The following TCF25 variants were observed in gnomAD, a reference collection of about 807,000 sequenced individuals.
The protein encoded by TCF25 is TCF25 ribosome quality control complex subunit.
TCF25 carries 41 observed loss-of-function variants against 83.1 expected under a neutral mutation model. That is an observed-to-expected ratio of 0.49 (90% CI 0.38 to 0.64). TCF25 has a LOEUF of 0.64. TCF25 is among the 30% of genes least tolerant of loss of function. TCF25 has a pLI of 0.00. For missense variants in TCF25, 979 were observed against 914.5 expected, an observed-to-expected ratio of 1.07 and a Z score of -0.91; for synonymous variants, 458 against 365.0, an observed-to-expected ratio of 1.25 and a Z score of -2.90.
intron 12 of TCF25, among the ~76,000 whole-genome samples, chr16:89,901,636 T>A (rs2144219318): frequency 1.2e-5 from 1 of 86,736 alleles, no homozygotes; most frequent in South Asian, 4.3e-4. Context: ...TCCCAGCTAC[T>A]TGGGAGGCTG....
At chr16:89,895,785 C>A (rs1296694139) in intron 8 of TCF25, among the ~76,000 whole-genome samples, 2 of 152,228 alleles carry the variant, frequency 1.3e-5, no homozygotes, top group African/African-American at 4.8e-5. Flanking sequence ...GAAAGTGTTA[C>A]CATGTCAAGC....
At chr16:89,899,962 T>C (rs1250822581) in intron 11 of TCF25, among the ~76,000 whole-genome samples, 1 of 152,188 alleles carries the variant, frequency 6.6e-6, no homozygotes, top group East Asian at 1.9e-4. Flanking sequence ...GCATTTGGCA[T>C]AGTTGGCCAG....
chr16:89,888,243 C>G (rs8046062), intron 5 of TCF25, among the ~76,000 whole-genome samples: 25,889 of 150,508 alleles, frequency 0.17, 2,969 homozygotes, highest in African/African-American at 0.32. Context: ...TCCAGCCTGG[C>G]CGACAGAGCG....
At chr16:89,905,183 A>G in intron 14 of TCF25, 87 bp downstream of exon 14, 13 of 1,453,382 alleles carry the variant, frequency 8.9e-6, no homozygotes, top group Non-Finnish European at 1.2e-5. Context: ...TCGGGAGGCG[A>G]GAAGGGCTGT....
chr16:89,898,604 G>T lies in TCF25; in HGVS notation c.1070G>T (p.Arg357Leu). 1 of 1,613,146 alleles carries T rather than the reference G, an allele frequency of 6.2e-7. No homozygotes were observed. Among genetic ancestry groups the T allele is most frequent in the East Asian group, 2.2e-5 (1 of 44,880 alleles). ...AAGCAGATGAGCTTCCTGGAGAAGCGAGGCTGCCCGCGCACGGCGCTGGAG... is the reference window on the plus strand; with the variant it reads ...AAGCAGATGAGCTTCCTGGAGAAGCTAGGCTGCCCGCGCACGGCGCTGGAG... ...LYKQMSFLEK[R>L]GCPRTALEYC... The change falls in exon 10 of 18, where the codon CGA becomes CTA. Residue 357 changes from arginine (R) to leucine (L), a missense_variant. Physicochemically the swap from Arg to Leu is moderately radical, Grantham distance 102. Coordinates refer to ENST00000263346, the MANE Select transcript of TCF25 (RefSeq NM_014972.3).
chr16:89,899,741 A>G (rs1319550653), intron 11 of TCF25, among the ~76,000 whole-genome samples: 1 of 151,988 alleles, frequency 6.6e-6, no homozygotes, highest in African/African-American at 2.4e-5. Context: ...AAAAAAAAAA[A>G]GAAAATTTAA....
chr16:89,906,335 C>T (rs780608224), intron 15 of TCF25, 51 bp downstream of exon 15: 54 of 1,574,864 alleles, frequency 3.4e-5, no homozygotes, highest in Non-Finnish European at 4.4e-5. Flanking sequence ...GTCACATGCA[C>T]GTCCCTTCTG....
intron 1 of TCF25, among the ~76,000 whole-genome samples, chr16:89,874,094 T>G (rs1436215659): frequency 1.2e-4 from 4 of 32,862 alleles, no homozygotes; most frequent in East Asian, 5.5e-4. Context: ...CTAACCCCGG[T>G]GAGGTGGGCG....
At chr16:89,899,432 C>T (rs1244691612) in intron 11 of TCF25, among the ~76,000 whole-genome samples, 1 of 152,130 alleles carries the variant, frequency 6.6e-6, no homozygotes, top group African/African-American at 2.4e-5. Context: ...TAATGCAGCT[C>T]CCAGAAAATT....
rs537094207 is a variant in TCF25, at chr16:89,899,498, G to T, written c.1221+626G>T. Among the ~76,000 whole-genome samples the T allele has an allele frequency of 2.0e-4, 30 of 152,198 alleles. 1 individual carries two copies. Among genetic ancestry groups the T allele is most frequent in the Non-Finnish European group, 1.5e-5 (1 of 68,028 alleles). ...TGTAATCCCAGCACTTTGGGAGGCCGAGGCGGGCGGATCACCTGAGGTCAG... is the reference window on the plus strand; with the variant it reads ...TGTAATCCCAGCACTTTGGGAGGCCTAGGCGGGCGGATCACCTGAGGTCAG... On this transcript the variant is annotated intron_variant, in intron 11 of 17. Transcript: ENST00000263346.
chr16:89,910,652 T>G lies in TCF25; in HGVS notation c.1861T>G (p.Tyr621Asp). 1 of 1,613,542 alleles carries G rather than the reference T, an allele frequency of 6.2e-7. No homozygotes were observed. The highest frequency in any genetic ancestry group is 8.5e-7 in the Non-Finnish European group (1 of 1,179,934). ...ALFFRSLLPNYTMEGERPEEG... is the reference protein window; with the variant it reads ...ALFFRSLLPNDTMEGERPEEG... ...CTTCTTCCGGTCACTGTTGCCAAACTATACCATGGAGGTAGGTTGAGCTCG... is the reference window on the plus strand; with the variant it reads ...CTTCTTCCGGTCACTGTTGCCAAACGATACCATGGAGGTAGGTTGAGCTCG... The change falls in exon 17 of 18, where the codon TAT becomes GAT. Residue 621 changes from tyrosine to aspartate, a missense_variant. By Grantham distance (160) the Tyr-to-Asp change is radical. Coordinates refer to ENST00000263346, the MANE Select transcript of TCF25 (RefSeq NM_014972.3).
At chr16:89,886,945 G>A (rs577895285) in intron 4 of TCF25, among the ~76,000 whole-genome samples, 31 of 152,192 alleles carry the variant, frequency 2.0e-4, no homozygotes, top group African/African-American at 5.1e-4. Context: ...TCTGTCTCCC[G>A]ACAAAAGGAA....
At chr16:89,903,364 G>A (rs963392049) in intron 12 of TCF25, among the ~76,000 whole-genome samples, 8 of 152,248 alleles carry the variant, frequency 5.3e-5, no homozygotes, top group African/African-American at 1.9e-4. Flanking sequence ...ATGGGGTCCA[G>A]TCTTTGTGAT....
At chr16:89,880,920 A>G (rs190540661) in intron 1 of TCF25, among the ~76,000 whole-genome samples, 1 of 152,246 alleles carries the variant, frequency 6.6e-6, no homozygotes, top group Non-Finnish European at 1.5e-5. Flanking sequence ...CAGCTTCGCC[A>G]GCAAAGGCCA....
chr16:89,886,484 C>T (rs1048556031), intron 4 of TCF25, among the ~76,000 whole-genome samples: 1 of 143,554 alleles, frequency 7.0e-6, no homozygotes, highest in African/African-American at 2.6e-5. Context: ...GGAAATAGGC[C>T]GGGCCCGGTG....
chr16:89,909,380 G>A (rs978680026), intron 16 of TCF25: 4 of 328,396 alleles, frequency 1.2e-5, no homozygotes, highest in South Asian at 2.5e-5. Flanking sequence ...GCGTGGTGCC[G>A]CACACCTGTA....
intron 9 of TCF25, 41 bp downstream of exon 9, chr16:89,896,124 C>T (rs1382667495): frequency 6.3e-7 from 1 of 1,591,674 alleles, no homozygotes; most frequent in East Asian, 2.3e-5. Context: ...CTCCCCTTCC[C>T]TTCTCCTGCG....
chr16:89,876,588 C>T (rs1251457087), intron 1 of TCF25, among the ~76,000 whole-genome samples: 3 of 152,192 alleles, frequency 2.0e-5, no homozygotes, highest in South Asian at 4.1e-4. Context: ...GTCAGGAGTT[C>T]GAGAGCAGCC....
chr16:89,889,273 C>T, intron 5 of TCF25: 1 of 389,920 alleles, frequency 2.6e-6, no homozygotes, highest in South Asian at 2.0e-5. Flanking sequence ...GAACTCGTGG[C>T]CTCAAGTGAT....
Sources: gnomAD v4.1 joint callset for allele counts (sites outside exome capture counted in the v4.1 genomes callset) on GRCh38, gnomAD v4.1.1 for gene constraint, MANE v1.5 for transcripts, NCBI Gene and HGNC (gene_info 2026-07-23, HGNC 2026-07-21) for gene names.